GALNT13: variants seen among roughly 807,000 people sequenced by gnomAD.
The protein encoded by GALNT13 is polypeptide N-acetylgalactosaminyltransferase 13, also known as UDP-GalNAc:polypeptide N-acetylgalactosaminyltransferase 13.
In GALNT13, 28 loss-of-function variants were observed where a neutral mutation model predicts 64.2. The observed-to-expected ratio is 0.44, with a 90% confidence interval of 0.32 to 0.60. The LOEUF is 0.60. GALNT13 is among the 20% of genes least tolerant of loss of function. The pLI is 0.05. For synonymous variants in GALNT13, 214 were observed against 224.6 expected, an observed-to-expected ratio of 0.95 and a Z score of 0.42; for missense variants, 577 against 669.8, an observed-to-expected ratio of 0.86 and a Z score of 1.53.
the GALNT13 span, among the ~76,000 whole-genome samples, chr2:153,128,405 T>A: frequency 6.6e-6 from 1 of 152,054 alleles, no homozygotes; most frequent in Admixed American, 6.6e-5. Context: ...CTTGTGAGAC[T>A]TATTCACTGT....
the GALNT13 span, among the ~76,000 whole-genome samples, chr2:153,739,507 T>TTTTA: frequency 2.2e-4 from 32 of 148,488 alleles, no homozygotes; most frequent in South Asian, 4.2e-4. Flanking sequence ...TAGATTTTTG[T>TTTTA]TTTATTTATT....
chr2:153,554,824 C>T, the GALNT13 span, among the ~76,000 whole-genome samples: 17 of 152,174 alleles, frequency 1.1e-4, no homozygotes, highest in African/African-American at 3.9e-4. Context: ...CTAATATACT[C>T]ACATACGCCC....
chr2:154,421,633 CTATCTT>C (rs1431434277), intron 11 of GALNT13, among the ~76,000 whole-genome samples: 4 of 151,778 alleles, frequency 2.6e-5, no homozygotes, highest in Non-Finnish European at 5.9e-5. Flanking sequence ...ACATTAAAAG[CTATCTT>C]TATATTGAAA....
At chr2:153,404,728 A>G in the GALNT13 span, among the ~76,000 whole-genome samples, 1 of 152,202 alleles carries the variant, frequency 6.6e-6, no homozygotes, top group Non-Finnish European at 1.5e-5. Context: ...TCACTAGGAA[A>G]AAATAAATTA....
chr2:153,112,082 T>G, the GALNT13 span, among the ~76,000 whole-genome samples: 2 of 152,136 alleles, frequency 1.3e-5, no homozygotes, highest in Admixed American at 1.3e-4. Context: ...GAAGAGACAC[T>G]TCTTCCCCAT....
chr2:153,385,579 T>C, the GALNT13 span, among the ~76,000 whole-genome samples: 2 of 151,976 alleles, frequency 1.3e-5, no homozygotes, highest in African/African-American at 2.4e-5. Flanking sequence ...AGATGGTTAA[T>C]GGGTACGAAA....
chr2:154,408,275 T>C (rs1699642999), intron 10 of GALNT13, among the ~76,000 whole-genome samples: 1 of 152,110 alleles, frequency 6.6e-6, no homozygotes, highest in Admixed American at 6.6e-5. Flanking sequence ...ATTAACTTTA[T>C]GTTAATTATG....
the GALNT13 span, among the ~76,000 whole-genome samples, chr2:153,104,811 TG>T: frequency 6.6e-6 from 1 of 152,162 alleles, no homozygotes; most frequent in African/African-American, 2.4e-5. Context: ...TAGAATGCTT[TG>T]GTTCTATTAT....
chr2:153,350,811 C>T, the GALNT13 span, among the ~76,000 whole-genome samples: 3 of 152,076 alleles, frequency 2.0e-5, no homozygotes, highest in African/African-American at 2.4e-5. Context: ...TTAATGATGA[C>T]GATGCCACCC....
chr2:153,617,130 G>A, the GALNT13 span, among the ~76,000 whole-genome samples: 2 of 151,864 alleles, frequency 1.3e-5, no homozygotes, highest in African/African-American at 4.8e-5. Flanking sequence ...AGTGGACAAC[G>A]TTGTCATGTT....
chr2:153,334,121 C>G, the GALNT13 span, among the ~76,000 whole-genome samples: 3 of 152,114 alleles, frequency 2.0e-5, no homozygotes, highest in Admixed American at 6.6e-5. Context: ...ATCTGATATA[C>G]TGAAGACATT....
the GALNT13 span, among the ~76,000 whole-genome samples, chr2:153,840,097 C>G: frequency 1.3e-5 from 2 of 151,918 alleles, no homozygotes; most frequent in Non-Finnish European, 2.9e-5. Context: ...TGTTTATTAA[C>G]CCACATTTTT....
intron 8 of GALNT13, among the ~76,000 whole-genome samples, chr2:154,262,719 A>G (rs927512719): frequency 1.3e-5 from 2 of 152,172 alleles, no homozygotes; most frequent in Admixed American, 6.6e-5. Flanking sequence ...GAGACAGACA[A>G]TAAACAAAAT....
At chr2:154,166,763 G>T (rs1369195365) in intron 4 of GALNT13, among the ~76,000 whole-genome samples, 3 of 152,216 alleles carry the variant, frequency 2.0e-5, no homozygotes, top group African/African-American at 7.2e-5. Context: ...TTAAGAAAAT[G>T]TGGCACATAT....
the GALNT13 span, among the ~76,000 whole-genome samples, chr2:153,866,405 T>C: frequency 6.6e-6 from 1 of 152,166 alleles, no homozygotes; most frequent in Non-Finnish European, 1.5e-5. Flanking sequence ...AACAACCACC[T>C]CCCTTTATAA....
chr2:154,376,871 C>G (rs749735467), intron 9 of GALNT13, among the ~76,000 whole-genome samples: 4 of 152,004 alleles, frequency 2.6e-5, no homozygotes, highest in Middle Eastern at 6.3e-3. Context: ...TTTGCAGATG[C>G]GTTCTCTCAG....
At chr2:153,695,589 A>T in the GALNT13 span, among the ~76,000 whole-genome samples, 1 of 152,234 alleles carries the variant, frequency 6.6e-6, no homozygotes, top group East Asian at 1.9e-4. Flanking sequence ...GAGAAGATAT[A>T]ACTATACGTT....
intron 11 of GALNT13, among the ~76,000 whole-genome samples, chr2:154,416,524 G>T (rs900974236): frequency 6.6e-6 from 1 of 152,048 alleles, no homozygotes; most frequent in Non-Finnish European, 1.5e-5. Flanking sequence ...TACAACAAAT[G>T]ATAATTTCAG....
the GALNT13 span, among the ~76,000 whole-genome samples, chr2:153,678,824 CAG>C: frequency 5.8e-4 from 88 of 152,064 alleles, no homozygotes; most frequent in East Asian, 0.013. Flanking sequence ...AAGGGACAGA[CAG>C]GGGTAGGTTT....
Sources: allele counts gnomAD v4.1 joint callset (sites outside exome capture counted in the v4.1 genomes callset), GRCh38; gene constraint gnomAD v4.1.1; transcripts MANE v1.5; gene names NCBI Gene and HGNC (gene_info 2026-07-23, HGNC 2026-07-21).